The following GPR141 variants were observed in gnomAD, a reference collection of about 807,000 sequenced individuals.
GPR141 encodes the protein G protein-coupled receptor 141.
GPR141 carries 6 observed loss-of-function variants against 6.8 expected under a neutral mutation model. That is an observed-to-expected ratio of 0.88 (90% CI 0.48 to 1.74). The LOEUF is 1.74. GPR141 is among the 40% of genes most tolerant of loss of function. The pLI is 0.01. For missense variants in GPR141, 372 were observed against 372.9 expected (o/e 1.00, Z 0.02); for synonymous variants, 140 against 142.3 (o/e 0.98, Z 0.11).
At chr7:37,731,598 A>C (rs572516020) in intron 2 of GPR141, among the ~76,000 whole-genome samples, 13 of 151,382 alleles carry the variant, frequency 8.6e-5, no homozygotes, top group South Asian at 2.1e-4. Context: ...CGCCCGCCAC[A>C]ACGCCCGGCT....
intron 2 of GPR141, among the ~76,000 whole-genome samples, chr7:37,701,672 C>A (rs192090383): frequency 3.9e-5 from 6 of 152,298 alleles, no homozygotes; most frequent in African/African-American, 1.4e-4. Context: ...ATCCTTAAGG[C>A]TCTGAGTTTT....
intron 2 of GPR141, among the ~76,000 whole-genome samples, chr7:37,723,245 G>A (rs1811438574): frequency 6.6e-6 from 1 of 151,820 alleles, no homozygotes; most frequent in Non-Finnish European, 1.5e-5. Context: ...CACCCACCTC[G>A]GCCTCCCAAA....
chr7:37,721,010 G>A (rs1387852016), intron 2 of GPR141, among the ~76,000 whole-genome samples: 1 of 152,152 alleles, frequency 6.6e-6, no homozygotes, highest in Non-Finnish European at 1.5e-5. Context: ...TGAAAAACAA[G>A]GACCAATTGT....
rs527370665 is a variant in GPR141, at chr7:37,714,293, A to G, written c.-14-26087A>G. Among the ~76,000 whole-genome samples, 5 of 152,320 alleles carry G rather than the reference A, an allele frequency of 3.3e-5. No homozygotes were observed. In the East Asian group the frequency reaches 7.7e-4, roughly 23 times the overall value. On this transcript the variant is annotated intron_variant, in intron 2 of 2. Coordinates refer to ENST00000334425, the MANE Select transcript of GPR141 (RefSeq NM_001381946.1). ...TTTCTCTTCTCTTATTTCAATTACTATGTTTAATCATGGTAATCGAAGGTG... is the reference window on the plus strand; with the variant it reads ...TTTCTCTTCTCTTATTTCAATTACTGTGTTTAATCATGGTAATCGAAGGTG...
intron 2 of GPR141, among the ~76,000 whole-genome samples, chr7:37,704,403 G>C (rs954139859): frequency 6.6e-6 from 1 of 152,090 alleles, no homozygotes; most frequent in South Asian, 2.1e-4. Context: ...ACTTACAATC[G>C]TGGCAGAAGG....
chr7:37,686,498 A>G (rs1443736431), intron 2 of GPR141, among the ~76,000 whole-genome samples: 1 of 152,214 alleles, frequency 6.6e-6, no homozygotes, highest in Non-Finnish European at 1.5e-5. Flanking sequence ...TAATCTAAGC[A>G]TAGTCTGTTT....
At chr7:37,734,380 G>A (rs867847489) in intron 2 of GPR141, among the ~76,000 whole-genome samples, 4 of 152,118 alleles carry the variant, frequency 2.6e-5, no homozygotes, top group African/African-American at 4.8e-5. Flanking sequence ...TTGAAGTAAC[G>A]CATTGTTCTC....
At chr7:37,688,585 T>TAGTA (rs1809619018) in intron 2 of GPR141, among the ~76,000 whole-genome samples, 1 of 152,242 alleles carries the variant, frequency 6.6e-6, no homozygotes, top group Admixed American at 6.5e-5. Flanking sequence ...GCCATGCTAC[T>TAGTA]GAGACGCACT....
intron 2 of GPR141, among the ~76,000 whole-genome samples, chr7:37,708,466 A>G (rs1275593404): frequency 3.9e-5 from 6 of 152,160 alleles, no homozygotes; most frequent in Non-Finnish European, 5.9e-5. Flanking sequence ...TGGTGTCCCA[A>G]TAAGGTGCCA....
chr7:37,740,671 C>T lies in GPR141; in HGVS notation c.278C>T (p.Ala93Val), dbSNP rs1812498474. 2 of 1,613,968 alleles carry T rather than the reference C, an allele frequency of 1.2e-6. No homozygotes were observed. Among genetic ancestry groups the T allele is most frequent in the South Asian group, 2.2e-5 (2 of 91,082 alleles). The change falls in exon 3 of 3, where the codon GCC becomes GTC. Residue 93 changes from alanine to valine, a missense_variant. Ala to Val is a moderately conservative substitution (Grantham distance 64). Coordinates refer to ENST00000334425, the MANE Select transcript of GPR141 (RefSeq NM_001381946.1). ...FGLPFCKFVSAMLHIHMYLTF... is the reference protein window; with the variant it reads ...FGLPFCKFVSVMLHIHMYLTF... Reference sequence around the variant, plus strand: ...CTGCCCTTCTGCAAATTTGTGAGTGCCATGCTGCACATCCACATGTACCTC... The same window carrying T: ...CTGCCCTTCTGCAAATTTGTGAGTGTCATGCTGCACATCCACATGTACCTC...
At chr7:37,726,446 T>C (rs961613382) in intron 2 of GPR141, among the ~76,000 whole-genome samples, 4 of 152,182 alleles carry the variant, frequency 2.6e-5, no homozygotes, top group African/African-American at 9.6e-5. Flanking sequence ...ATTTAGGCAA[T>C]GAAGAGTTGA....
chr7:37,720,291 A>G (rs1168916646), intron 2 of GPR141, among the ~76,000 whole-genome samples: 1 of 150,770 alleles, frequency 6.6e-6, no homozygotes, highest in Non-Finnish European at 1.5e-5. Context: ...GCACTTAGAG[A>G]TACCAGACCC....
chr7:37,722,513 G>A (rs1811386672), intron 2 of GPR141, among the ~76,000 whole-genome samples: 1 of 151,852 alleles, frequency 6.6e-6, no homozygotes, highest in Non-Finnish European at 1.5e-5. Context: ...CTTGAGGTCA[G>A]GAGTTCGAGA....
At chr7:37,728,390 T>A (rs1170010920) in intron 2 of GPR141, among the ~76,000 whole-genome samples, 1 of 152,140 alleles carries the variant, frequency 6.6e-6, no homozygotes, top group African/African-American at 2.4e-5. Context: ...CCAAAGTAGG[T>A]TATACTTGTT....
intron 1 of GPR141, among the ~76,000 whole-genome samples, chr7:37,684,887 G>A (rs1426806774): frequency 6.6e-6 from 1 of 152,212 alleles, no homozygotes; most frequent in East Asian, 1.9e-4. Context: ...ACCAATGGAT[G>A]AGGAATCAGG....
chr7:37,720,809 G>GA (rs1402603092), intron 2 of GPR141, among the ~76,000 whole-genome samples: 3 of 151,588 alleles, frequency 2.0e-5, no homozygotes, highest in Non-Finnish European at 4.4e-5. Flanking sequence ...TAAATTTGGG[G>GA]AATTAAATTT....
intron 2 of GPR141, among the ~76,000 whole-genome samples, chr7:37,717,488 G>T (rs1811102691): frequency 6.6e-6 from 1 of 152,184 alleles, no homozygotes; most frequent in Non-Finnish European, 1.5e-5. Flanking sequence ...AGACCACTTT[G>T]TTCATTAACA....
Position 37,740,966 on chromosome 7 carries a change from C to T in GPR141, c.573C>T (p.Ala191=), listed in dbSNP as rs189762711. ...INYMIVIFVI[A]VAVILLVFQV... ...ATATGATAGTCATTTTTGTCATAGC[C>T]GTTGCTGTGATTCTGTTGGTCTTCC... Residue 191 remains alanine (A), a synonymous_variant, in exon 3 of 3, where the codon GCC becomes GCT. Coordinates refer to ENST00000334425, the MANE Select transcript of GPR141 (RefSeq NM_001381946.1). 1.7e-5 allele frequency: 28 copies of T among 1,613,346 alleles called. 1 individual carries two copies. The highest frequency in any genetic ancestry group is 1.7e-4 in the African/African-American group (13 of 74,998).
chr7:37,697,126 G>T (rs1393132988), intron 2 of GPR141, among the ~76,000 whole-genome samples: 1 of 152,054 alleles, frequency 6.6e-6, no homozygotes, highest in Non-Finnish European at 1.5e-5. Context: ...ATCTATACTT[G>T]TAAAATGCTT....
Sources: allele counts gnomAD v4.1 joint callset (sites outside exome capture counted in the v4.1 genomes callset), GRCh38; gene constraint gnomAD v4.1.1; transcripts MANE v1.5; gene names NCBI Gene and HGNC (gene_info 2026-07-23, HGNC 2026-07-21).